Variants in PHF14 observed in about 807,000 individuals in gnomAD.
The protein encoded by PHF14 is PHD finger protein 14.
A neutral mutation model predicts 117.9 loss-of-function variants in PHF14; 55 were observed. The ratio of observed to expected loss-of-function variants is 0.47; its 90% CI spans 0.38 to 0.58. PHF14 has a LOEUF of 0.58. Among genes scored for constraint, PHF14 ranks in the 20% least tolerant of loss-of-function variants. The probability of loss-of-function intolerance (pLI) is 0.00; values close to 1 mark genes in which losing one functional copy is unlikely to be tolerated. For synonymous variants in PHF14, 409 were observed against 368.6 expected, an observed-to-expected ratio of 1.11 and a Z score of -1.26; for missense variants, 978 against 1,122.2, an observed-to-expected ratio of 0.87 and a Z score of 1.84.
intron 16 of PHF14, among the ~76,000 whole-genome samples, chr7:11,074,689 A>T (rs530306002): frequency 6.6e-6 from 1 of 152,174 alleles, no homozygotes. Flanking sequence ...AATATAGCCA[A>T]GTTCTTTGCT....
intron 16 of PHF14, among the ~76,000 whole-genome samples, chr7:11,082,689 C>T (rs1786196125): frequency 6.6e-6 from 1 of 152,104 alleles, no homozygotes; most frequent in Non-Finnish European, 1.5e-5. Context: ...TTATCCTGAC[C>T]AAATAGATAT....
At chr7:11,131,235 G>C (rs1424299715) in intron 17 of PHF14, among the ~76,000 whole-genome samples, 1 of 151,802 alleles carries the variant, frequency 6.6e-6, no homozygotes, top group Non-Finnish European at 1.5e-5. Context: ...GAGTGTGTTT[G>C]GCTGCCAAAC....
chr7:11,036,202 A>T (rs1009739837), intron 8 of PHF14, among the ~76,000 whole-genome samples: 1 of 152,176 alleles, frequency 6.6e-6, no homozygotes, highest in African/African-American at 2.4e-5. Flanking sequence ...AACTCTGATT[A>T]TAAGTTAGGA....
At chr7:11,132,832 G>T (rs1353007015) in intron 17 of PHF14, among the ~76,000 whole-genome samples, 1 of 151,682 alleles carries the variant, frequency 6.6e-6, no homozygotes, top group Non-Finnish European at 1.5e-5. Flanking sequence ...TAGTGGTTTG[G>T]ATTTGCATCT....
chr7:10,988,534 GTT>G (rs34658159), intron 3 of PHF14, among the ~76,000 whole-genome samples: 10 of 118,138 alleles, frequency 8.5e-5, no homozygotes, highest in Admixed American at 1.8e-4. Context: ...TTTCTAGTCT[GTT>G]TTTTTTTTTT....
chr7:11,166,956 G>C (rs1001735623), intron 17 of PHF14, among the ~76,000 whole-genome samples: 5 of 152,032 alleles, frequency 3.3e-5, no homozygotes, highest in African/African-American at 1.2e-4. Flanking sequence ...ATTATATTAA[G>C]AATGTTACTT....
chr7:11,109,839 G>A (rs987415720), intron 16 of PHF14: 2 of 151,822 alleles, frequency 1.3e-5, no homozygotes, highest in Non-Finnish European at 2.9e-5. Flanking sequence ...ATCTATTCCT[G>A]TAGCTAGAAC....
intron 13 of PHF14, among the ~76,000 whole-genome samples, chr7:11,049,976 C>T (rs1031008381): frequency 6.6e-6 from 1 of 152,100 alleles, no homozygotes; most frequent in Non-Finnish European, 1.5e-5. Flanking sequence ...TTTCACTGAT[C>T]AGTATTTCTA....
intron 4 of PHF14, among the ~76,000 whole-genome samples, chr7:10,994,971 C>T (rs1349409066): frequency 1.3e-5 from 2 of 152,226 alleles, no homozygotes; most frequent in African/African-American, 4.8e-5. Flanking sequence ...GCCCCACCCA[C>T]ATCCTGCTGA....
intron 16 of PHF14, chr7:11,108,824 GATAA>G (rs1268801759): frequency 2.0e-5 from 3 of 151,638 alleles, no homozygotes; most frequent in South Asian, 2.1e-4. Context: ...ACATTAAGGT[GATAA>G]ATAATGAATT....
chr7:11,024,920 G>T (rs1213535930), intron 6 of PHF14, among the ~76,000 whole-genome samples: 1 of 152,184 alleles, frequency 6.6e-6, no homozygotes, highest in African/African-American at 2.4e-5. Flanking sequence ...GGCTATAGCT[G>T]CCATACATAG....
At chr7:11,002,039 G>GT (rs145923741) in intron 4 of PHF14, among the ~76,000 whole-genome samples, 54 of 148,312 alleles carry the variant, frequency 3.6e-4, no homozygotes, top group African/African-American at 9.4e-4. Context: ...TTCTGTTTGT[G>GT]TTTTTTTTTT....
intron 4 of PHF14, among the ~76,000 whole-genome samples, chr7:11,001,991 A>G (rs1043369492): frequency 1.3e-5 from 2 of 150,786 alleles, no homozygotes; most frequent in African/African-American, 4.9e-5. Context: ...TTTTTTTTGT[A>G]GTTTCTTTAT....
At chr7:11,042,287 G>A (rs1387975120) in intron 12 of PHF14, among the ~76,000 whole-genome samples, 1 of 151,832 alleles carries the variant, frequency 6.6e-6, no homozygotes, top group South Asian at 2.1e-4. Context: ...TTTTTTTATA[G>A]TTTTAGAAAA....
intron 16 of PHF14, chr7:11,109,799 C>A (rs1460178786): frequency 2.0e-5 from 3 of 151,788 alleles, no homozygotes; most frequent in African/African-American, 7.2e-5. Flanking sequence ...AAATAAAGTA[C>A]TGTTGGTCCT....
intron 16 of PHF14, among the ~76,000 whole-genome samples, chr7:11,101,749 A>C (rs1787101622): frequency 6.6e-6 from 1 of 151,830 alleles, no homozygotes; most frequent in Non-Finnish European, 1.5e-5. Context: ...TAATATAAAA[A>C]AGTGAACTTT....
chr7:11,084,818 T>C (rs1176843571), intron 16 of PHF14, among the ~76,000 whole-genome samples: 2 of 152,176 alleles, frequency 1.3e-5, no homozygotes, highest in Admixed American at 6.5e-5. Flanking sequence ...TTTGTAACAA[T>C]CAGTTTCAAT....
intron 2 of PHF14, among the ~76,000 whole-genome samples, chr7:10,975,639 GAAAC>G: frequency 6.6e-6 from 1 of 152,206 alleles, no homozygotes; most frequent in African/African-American, 2.4e-5. Flanking sequence ...AGGAATCTGA[GAAAC>G]AAAAATTATG....
chr7:10,982,578 A>G lies in PHF14; in HGVS notation c.319A>G (p.Asn107Asp). 1 of 1,508,226 alleles carries G rather than the reference A, an allele frequency of 6.6e-7. No individual in the cohort carries two copies. The allele number at this position is 1,508,226 out of a possible 1,614,324, so 93.4% of individuals were successfully genotyped here. The change falls in exon 3 of 18, where the codon AAT becomes GAT. Residue 107 changes from asparagine (N) to aspartate (D), a missense_variant. Coordinates refer to ENST00000634607, the MANE Select transcript of PHF14 (RefSeq NM_001007157.2). ...AATGGAAAAGAAGGAAGAAGAAGAA[A>G]ATGGAGAAAGACCTAGAAAGAAAAA... ...IKMEKKEEEENGERPRKKKEK... is the reference protein window; with the variant it reads ...IKMEKKEEEEDGERPRKKKEK...
Sources: gnomAD v4.1 joint callset for allele counts (sites outside exome capture counted in the v4.1 genomes callset) on GRCh38, gnomAD v4.1.1 for gene constraint, MANE v1.5 for transcripts, NCBI Gene and HGNC (gene_info 2026-07-23, HGNC 2026-07-21) for gene names.